Variants in TTC28 observed in about 807,000 individuals in gnomAD.
The protein encoded by TTC28 is tetratricopeptide repeat protein 28.
TTC28 carries 61 observed loss-of-function variants against 198.0 expected under a neutral mutation model. That is an observed-to-expected ratio of 0.31 (90% confidence interval 0.25 to 0.38). The LOEUF (loss-of-function observed/expected upper bound fraction) is 0.38. Ranked by LOEUF, TTC28 falls within the 10% of genes least tolerant of loss-of-function variation. The pLI is 1.00. For synonymous variants in TTC28, 1,171 were observed against 1,297.8 expected (o/e 0.90, Z 2.10); for missense variants, 2,678 against 3,164.0 (o/e 0.85, Z 3.69).
At chr22:28,419,174 T>C (rs1776971655) in intron 2 of TTC28, among the ~76,000 whole-genome samples, 1 of 152,188 alleles carries the variant, frequency 6.6e-6, no homozygotes, top group African/African-American at 2.4e-5. Context: ...CCTGTATAAC[T>C]CTCTGAAACT....
In TTC28 at chr22:27,983,161, T is replaced by G; in HGVS notation, c.6506A>C (p.Glu2169Ala). 1 of 1,551,838 alleles carries G rather than the reference T, an allele frequency of 6.4e-7. No homozygotes were observed. Among genetic ancestry groups the G allele is most frequent in the Non-Finnish European group, 8.7e-7 (1 of 1,147,026 alleles). Residue 2169 changes from glutamate (E) to alanine (A), a missense_variant, in exon 23 of 23, where the codon GAG becomes GCG. Physicochemically the swap from Glu to Ala is moderately radical, Grantham distance 107 (BLOSUM62 -1). Transcript: ENST00000397906. Reference protein sequence around the residue: ...PQELAQKILEETQSHLIAVER... With the variant: ...PQELAQKILEATQSHLIAVER... ...CACCGCAATGAGATGACTCTGTGTC[T>G]CCTCCAGAATTTTCTGGGCTAACTC...
At chr22:28,546,952 C>G (rs1444479174) in intron 2 of TTC28, among the ~76,000 whole-genome samples, 3 of 152,076 alleles carry the variant, frequency 2.0e-5, no homozygotes, top group Non-Finnish European at 4.4e-5. Flanking sequence ...GAAAGCAGGT[C>G]AGTGTTTGCC....
chr22:28,537,293 A>AAAAATAAAATAAAATAAAAT (rs58235209), intron 2 of TTC28, among the ~76,000 whole-genome samples: 1,337 of 110,278 alleles, frequency 0.012, 51 homozygotes, highest in East Asian at 0.049. Context: ...ACTCCGTCTC[A>AAAAATAAAATAAAATAAAAT]AAAATAAAAT....
At chr22:28,437,330 G>A (rs1305912898) in intron 2 of TTC28, among the ~76,000 whole-genome samples, 2 of 152,126 alleles carry the variant, frequency 1.3e-5, no homozygotes, top group South Asian at 2.1e-4. Flanking sequence ...TGATCCACGC[G>A]CCTCAGCCTC....
At chr22:28,565,719 A>G (rs1335473637) in intron 2 of TTC28, among the ~76,000 whole-genome samples, 1 of 152,154 alleles carries the variant, frequency 6.6e-6, no homozygotes, top group Non-Finnish European at 1.5e-5. Flanking sequence ...AAGAGATGAC[A>G]AAATTTTTCC....
At chr22:28,591,280 T>TA (rs1601600547) in intron 2 of TTC28, among the ~76,000 whole-genome samples, 3 of 150,658 alleles carry the variant, frequency 2.0e-5, no homozygotes, top group South Asian at 2.1e-4. Context: ...ACTATTTTTT[T>TA]TATATATATA....
At chr22:28,530,971 C>A (rs996834165) in intron 2 of TTC28, among the ~76,000 whole-genome samples, 1 of 152,162 alleles carries the variant, frequency 6.6e-6, no homozygotes, top group Non-Finnish European at 1.5e-5. Flanking sequence ...ACTGTAAAGA[C>A]CATTGATGCT....
At chr22:28,397,217 C>G (rs1232471899) in intron 2 of TTC28, among the ~76,000 whole-genome samples, 1 of 152,116 alleles carries the variant, frequency 6.6e-6, no homozygotes, top group African/African-American at 2.4e-5. Flanking sequence ...AAACAAAAAT[C>G]TAACAAAAAT....
At chr22:28,591,040 C>CACATAT (rs1362164401) in intron 2 of TTC28, among the ~76,000 whole-genome samples, 5 of 30,738 alleles carry the variant, frequency 1.6e-4, no homozygotes, top group African/African-American at 6.5e-4. Flanking sequence ...CACACACACA[C>CACATAT]ATATATATAT....
intron 12 of TTC28, among the ~76,000 whole-genome samples, chr22:28,032,286 GTGTGTGTGTA>G (rs1939165590): frequency 7.6e-6 from 1 of 131,898 alleles, no homozygotes; most frequent in Non-Finnish European, 1.6e-5. Context: ...GTGTGTGTGT[GTGTGTGTGTA>G]TATGTGTGTG....
At chr22:28,201,751 C>CAAAAAAAAAAAAAAAAAAAAAAAAAAA (rs34790960) in intron 5 of TTC28, among the ~76,000 whole-genome samples, 2 of 81,008 alleles carry the variant, frequency 2.5e-5, no homozygotes, top group African/African-American at 1.0e-4. Context: ...TTACAGAAAG[C>CAAAAAAAAAAAAAAAAAAAAAAAAAAA]AAAAAAAAAA....
chr22:28,437,521 AG>A (rs575160934), intron 2 of TTC28, among the ~76,000 whole-genome samples: 214 of 152,306 alleles, frequency 1.4e-3, no homozygotes, highest in African/African-American at 4.8e-3. Flanking sequence ...TTACTAGACA[AG>A]GAAGAAACAG....
At chr22:28,333,312 C>T (rs2045646111) in intron 2 of TTC28, among the ~76,000 whole-genome samples, 1 of 152,064 alleles carries the variant, frequency 6.6e-6, no homozygotes, top group Non-Finnish European at 1.5e-5. Context: ...TGTATCACTC[C>T]TCTTCCCCTG....
At chr22:28,192,013 G>A (rs373511088) in intron 5 of TTC28, among the ~76,000 whole-genome samples, 10 of 152,308 alleles carry the variant, frequency 6.6e-5, no homozygotes, top group African/African-American at 1.7e-4. Flanking sequence ...CCTGACCGCC[G>A]AGTAGCCTAA....
chr22:28,048,642 G>C (rs558891342), intron 12 of TTC28, among the ~76,000 whole-genome samples: 1 of 152,222 alleles, frequency 6.6e-6, no homozygotes, highest in East Asian at 1.9e-4. Context: ...CACATATGCT[G>C]TCCACCACCT....
At position 27,982,373 on chromosome 22, in the gene TTC28, C is replaced by T. The variant is rs187601049; in HGVS notation, c.7294G>A (p.Gly2432Arg). 34 of 1,550,876 alleles carry T rather than the reference C, an allele frequency of 2.2e-5. No homozygotes were observed. The highest frequency in any genetic ancestry group is 9.8e-5 in the East Asian group (4 of 40,888). Residue 2432 changes from glycine to arginine, a missense_variant, in exon 23 of 23, where the codon GGA becomes AGA. Physicochemically the swap from Gly to Arg is moderately radical, Grantham distance 125. Transcript: ENST00000397906. The surrounding 1 kb of genome is among the most constrained non-coding windows in gnomAD (Gnocchi z 5.2). ...DGAPPKAPPN[G>R]HWRTETTSLG... ...GAGGTGGTCTCGGTGCGCCAGTGTC[C>T]GTTGGGAGGGGCTTTCGGTGGAGCT...
intron 2 of TTC28, among the ~76,000 whole-genome samples, chr22:28,444,986 A>C (rs922588126): frequency 1.3e-5 from 2 of 152,182 alleles, no homozygotes; most frequent in Admixed American, 6.5e-5. Context: ...CTAGCACAGA[A>C]AGCTCAATAA....
chr22:27,992,687 A>T (rs779623379), intron 18 of TTC28, 24 bp from the exon 19 acceptor site: 2 of 1,549,844 alleles, frequency 1.3e-6, no homozygotes, highest in Non-Finnish European at 1.7e-6. Flanking sequence ...AAAGGGTAGA[A>T]GTTATTCAGA....
intron 5 of TTC28, among the ~76,000 whole-genome samples, chr22:28,259,067 A>G (rs1931148563): frequency 6.6e-6 from 1 of 152,180 alleles, no homozygotes; most frequent in African/African-American, 2.4e-5. Flanking sequence ...CTGGTTGTCT[A>G]TCAGTGGGGA....
Sources: allele counts gnomAD v4.1 joint callset (sites outside exome capture counted in the v4.1 genomes callset), GRCh38; gene constraint gnomAD v4.1.1; non-coding constraint Gnocchi (gnomAD v3.1); transcripts MANE v1.5; gene names NCBI Gene and HGNC (gene_info 2026-07-23, HGNC 2026-07-21).